ZDHHC14: variants seen among roughly 807,000 people sequenced by gnomAD.
The protein encoded by ZDHHC14 is palmitoyltransferase ZDHHC14.
ZDHHC14 carries 16 observed loss-of-function variants against 47.7 expected under a neutral mutation model. The ratio of observed to expected loss-of-function variants is 0.34; its 90% confidence interval spans 0.23 to 0.51. ZDHHC14 has a LOEUF of 0.51. Ranked by LOEUF, ZDHHC14 falls within the 20% of genes least tolerant of loss-of-function variation. The pLI is 0.97. For missense variants in ZDHHC14, 515 were observed against 662.5 expected, an observed-to-expected ratio of 0.78 and a Z score of 2.44; for synonymous variants, 293 against 278.9, an observed-to-expected ratio of 1.05 and a Z score of -0.50.
At chr6:157,570,979 A>C (rs1000254196) in intron 2 of ZDHHC14, among the ~76,000 whole-genome samples, 4 of 152,226 alleles carry the variant, frequency 2.6e-5, no homozygotes, top group African/African-American at 9.6e-5. Context: ...TGAGATTGTC[A>C]TGGTTTAAAA....
intron 2 of ZDHHC14, among the ~76,000 whole-genome samples, chr6:157,575,015 T>G (rs1047016570): frequency 7.2e-5 from 11 of 152,162 alleles, no homozygotes; most frequent in Non-Finnish European, 1.3e-4. Flanking sequence ...CTTGTTCCGA[T>G]TATGGGGTTG....
intron 1 of ZDHHC14, among the ~76,000 whole-genome samples, chr6:157,434,225 T>C (rs1778396258): frequency 6.7e-6 from 1 of 150,206 alleles, no homozygotes; most frequent in African/African-American, 2.4e-5. Context: ...ATTTTATATA[T>C]ATATATATAT....
intron 5 of ZDHHC14, among the ~76,000 whole-genome samples, chr6:157,641,169 A>AT (rs577151045): frequency 2.0e-4 from 31 of 152,006 alleles, no homozygotes; most frequent in African/African-American, 6.3e-4. Flanking sequence ...ATTAGATTTA[A>AT]TTTTTTTTAC....
intron 7 of ZDHHC14, among the ~76,000 whole-genome samples, chr6:157,648,948 C>T (rs1453920543): frequency 1.3e-5 from 2 of 152,210 alleles, no homozygotes; most frequent in African/African-American, 4.8e-5. Context: ...TCAGTTCTGT[C>T]CAAATCTCCC....
intron 2 of ZDHHC14, among the ~76,000 whole-genome samples, chr6:157,579,492 C>T (rs1003425730): frequency 6.6e-6 from 1 of 152,142 alleles, no homozygotes. Context: ...CCACCATGCC[C>T]AGCCAATATT....
intron 3 of ZDHHC14, among the ~76,000 whole-genome samples, chr6:157,610,100 A>G (rs34422152): frequency 0.2 from 30,055 of 152,090 alleles, 3,083 homozygotes; most frequent in Middle Eastern, 0.23. Flanking sequence ...ACCACCTTAA[A>G]TATTCACAGA....
chr6:157,433,632 T>A (rs1778384360), intron 1 of ZDHHC14, among the ~76,000 whole-genome samples: 1 of 151,582 alleles, frequency 6.6e-6, no homozygotes, highest in Non-Finnish European at 1.5e-5. Flanking sequence ...GCTCTAAAAA[T>A]TCTCAGATTG....
intron 3 of ZDHHC14, among the ~76,000 whole-genome samples, chr6:157,612,223 C>CT (rs1784777536): frequency 6.6e-6 from 1 of 152,214 alleles, no homozygotes. Context: ...CCTCGGCCAG[C>CT]TGCAAGCCGC....
intron 2 of ZDHHC14, among the ~76,000 whole-genome samples, chr6:157,564,774 G>A (rs1782838321): frequency 6.6e-6 from 1 of 152,136 alleles, no homozygotes; most frequent in Non-Finnish European, 1.5e-5. Context: ...CCAATCTTAT[G>A]ATCAGACTTA....
At chr6:157,597,333 T>A (rs1384899537) in intron 3 of ZDHHC14, among the ~76,000 whole-genome samples, 2 of 152,180 alleles carry the variant, frequency 1.3e-5, no homozygotes, top group Non-Finnish European at 2.9e-5. Flanking sequence ...CATGCTGCCC[T>A]CGTTTTTCTG....
intron 7 of ZDHHC14, among the ~76,000 whole-genome samples, chr6:157,650,180 C>T (rs1384390488): frequency 1.3e-5 from 2 of 152,328 alleles, no homozygotes; most frequent in African/African-American, 2.4e-5. Context: ...CAGTGAGGTG[C>T]GTGGGCCGCC....
chr6:157,453,788 T>TTTTTTTTTTTTTGTGTGTGTGTG (rs3220439), intron 1 of ZDHHC14, among the ~76,000 whole-genome samples: 2 of 148,098 alleles, frequency 1.4e-5, no homozygotes, highest in African/African-American at 5.1e-5. Flanking sequence ...TTTTTGTGTT[T>TTTTTTTTTTTTTGTGTGTGTGTG]TGTGTGTGTG....
At chr6:157,426,152 G>T (rs1374339754) in intron 1 of ZDHHC14, among the ~76,000 whole-genome samples, 1 of 152,150 alleles carries the variant, frequency 6.6e-6, no homozygotes, top group Non-Finnish European at 1.5e-5. Flanking sequence ...TCAGATGTGA[G>T]AGCCTCCCGC....
At chr6:157,424,504 G>A (rs1778176648) in intron 1 of ZDHHC14, among the ~76,000 whole-genome samples, 1 of 152,192 alleles carries the variant, frequency 6.6e-6, no homozygotes, top group African/African-American at 2.4e-5. Context: ...GGCTTTCTGA[G>A]CTTGAAGCCG....
intron 1 of ZDHHC14, among the ~76,000 whole-genome samples, chr6:157,458,871 T>TTTTTTTTTTTTTTTTTTTG (rs1491563247): frequency 8.7e-6 from 1 of 115,226 alleles, no homozygotes; most frequent in East Asian, 2.6e-4. Context: ...TTTTTTTTTT[T>TTTTTTTTTTTTTTTTTTTG]GAGACGGAGT....
intron 1 of ZDHHC14, among the ~76,000 whole-genome samples, chr6:157,432,380 G>C (rs1050429420): frequency 6.6e-6 from 1 of 152,120 alleles, no homozygotes; most frequent in African/African-American, 2.4e-5. Flanking sequence ...CAGTGCAGTC[G>C]GAGGCTGTGG....
At chr6:157,588,688 A>T (rs541805826) in intron 2 of ZDHHC14, among the ~76,000 whole-genome samples, 21 of 152,290 alleles carry the variant, frequency 1.4e-4, no homozygotes, top group African/African-American at 4.6e-4. Flanking sequence ...CCCTCACCTG[A>T]CTAAGCTGCG....
chr6:157,563,695 T>G (rs1050338983), intron 2 of ZDHHC14, among the ~76,000 whole-genome samples: 6 of 152,184 alleles, frequency 3.9e-5, no homozygotes, highest in African/African-American at 1.4e-4. Flanking sequence ...AAGTGCGAAC[T>G]AGGACCAGAG....
At chr6:157,660,374 G>C (rs879482364) in intron 8 of ZDHHC14, among the ~76,000 whole-genome samples, 1 of 152,012 alleles carries the variant, frequency 6.6e-6, no homozygotes, top group African/African-American at 2.4e-5. Flanking sequence ...TGTATTTTTA[G>C]TAGAGATGGC....
Sources: gnomAD v4.1 joint callset for allele counts (sites outside exome capture counted in the v4.1 genomes callset) on GRCh38, gnomAD v4.1.1 for gene constraint, MANE v1.5 for transcripts, NCBI Gene and HGNC (gene_info 2026-07-23, HGNC 2026-07-21) for gene names.